Variants in KCNQ5 observed in about 807,000 individuals in gnomAD.
KCNQ5 encodes the protein potassium voltage-gated channel subfamily KQT member 5.
Under a neutral mutation model 98.2 loss-of-function variants are expected in KCNQ5, and 30 were observed. That is an observed-to-expected ratio of 0.31 (90% CI 0.23 to 0.41). KCNQ5 has a LOEUF of 0.41. KCNQ5 is among the 10% of genes least tolerant of loss of function. The pLI is 1.00. For missense variants in KCNQ5, 835 were observed against 1,182.5 expected (o/e 0.71, Z 4.31); for synonymous variants, 458 against 449.4 (o/e 1.02, Z -0.24).
chr6:73,113,200 T>G (rs1424801267), intron 7 of KCNQ5, among the ~76,000 whole-genome samples: 3 of 152,174 alleles, frequency 2.0e-5, no homozygotes. Flanking sequence ...TTCTAATAAG[T>G]TTTTCTCTTT....
At chr6:73,059,436 G>A (rs1440212541) in intron 3 of KCNQ5, among the ~76,000 whole-genome samples, 5 of 151,990 alleles carry the variant, frequency 3.3e-5, no homozygotes, top group Non-Finnish European at 7.4e-5. Flanking sequence ...AGGAGGGAGA[G>A]CATAAAAAAA....
chr6:72,763,418 G>A (rs956840554), intron 1 of KCNQ5, among the ~76,000 whole-genome samples: 6 of 151,902 alleles, frequency 3.9e-5, no homozygotes, highest in Admixed American at 6.6e-5. Flanking sequence ...CTCATCTCCT[G>A]TCATATTATT....
chr6:72,844,869 T>A (rs1462991706), intron 1 of KCNQ5, among the ~76,000 whole-genome samples: 1 of 152,176 alleles, frequency 6.6e-6, no homozygotes, highest in African/African-American at 2.4e-5. Flanking sequence ...ACACAACAAT[T>A]AAGGAAACAA....
At chr6:72,959,893 A>G (rs1302417666) in intron 1 of KCNQ5, among the ~76,000 whole-genome samples, 1 of 152,230 alleles carries the variant, frequency 6.6e-6, no homozygotes, top group Non-Finnish European at 1.5e-5. Context: ...TAATTTCTTA[A>G]CTAAGCTTTC....
intron 1 of KCNQ5, among the ~76,000 whole-genome samples, chr6:72,905,858 C>G (rs536270531): frequency 3.3e-4 from 50 of 152,268 alleles, no homozygotes; most frequent in African/African-American, 1.2e-3. Flanking sequence ...AATGCTCTAT[C>G]TTTATGCTGC....
intron 1 of KCNQ5, among the ~76,000 whole-genome samples, chr6:72,776,367 T>C (rs1773162837): frequency 6.6e-6 from 1 of 152,222 alleles, no homozygotes; most frequent in African/African-American, 2.4e-5. Flanking sequence ...ATTACTTCTG[T>C]TTACTCCAAC....
chr6:73,140,384 C>T (rs1776654121), intron 10 of KCNQ5, among the ~76,000 whole-genome samples: 1 of 152,200 alleles, frequency 6.6e-6, no homozygotes, highest in South Asian at 2.1e-4. Context: ...TAATGATGGC[C>T]CAACTTCAGC....
chr6:72,787,004 CAAAAAAA>C lies in KCNQ5; in HGVS notation c.398+164436_398+164442del, dbSNP rs1045803750. 1.1e-3 allele frequency among the ~76,000 whole-genome samples: 57 copies of C among 50,460 alleles called. No individual in the cohort carries two copies. In the East Asian group the frequency reaches 0.034, roughly 30 times the overall value. The allele number at this position is 50,460 out of a possible 152,430, so 33.1% of individuals were successfully genotyped here. On this transcript the variant is annotated intron_variant, in intron 1 of 13. Coordinates refer to ENST00000370398, the MANE Select transcript of KCNQ5 (RefSeq NM_019842.4). ...TGGGCGACACAGCAAGACTCTGTCTCAAAAAAAAAAAAAAAAAAAAAAAAAGAAATGA... is the reference window on the plus strand; with the variant it reads ...TGGGCGACACAGCAAGACTCTGTCTCAAAAAAAAAAAAAAAAAAGAAATGA...
chr6:72,855,062 G>T (rs57900970), intron 1 of KCNQ5, among the ~76,000 whole-genome samples: 1 of 151,748 alleles, frequency 6.6e-6, no homozygotes, highest in African/African-American at 2.4e-5. Flanking sequence ...TCACACATTA[G>T]AAAAGAAACA....
chr6:73,097,503 T>C (rs1385923269), intron 5 of KCNQ5, among the ~76,000 whole-genome samples: 1 of 152,054 alleles, frequency 6.6e-6, no homozygotes, highest in Non-Finnish European at 1.5e-5. Flanking sequence ...CAGTGAAAAA[T>C]TGAAATCCTT....
At chr6:73,046,335 A>T (rs1027672596) in intron 3 of KCNQ5, among the ~76,000 whole-genome samples, 2 of 152,078 alleles carry the variant, frequency 1.3e-5, no homozygotes, top group African/African-American at 4.8e-5. Context: ...TCTGCAACTT[A>T]TTACTTCTAA....
intron 1 of KCNQ5, among the ~76,000 whole-genome samples, chr6:72,883,625 T>C (rs1381515101): frequency 1.3e-5 from 2 of 152,042 alleles, no homozygotes; most frequent in East Asian, 3.8e-4. Flanking sequence ...CAGTGAGAGA[T>C]AACATCAGAA....
chr6:73,146,582 G>A (rs1265608347), intron 10 of KCNQ5, among the ~76,000 whole-genome samples: 6 of 127,840 alleles, frequency 4.7e-5, no homozygotes, highest in East Asian at 2.4e-4. Flanking sequence ...AGCCATGATC[G>A]CATCACTGCA....
At chr6:72,925,851 G>A (rs1169501659) in intron 1 of KCNQ5, among the ~76,000 whole-genome samples, 1 of 152,138 alleles carries the variant, frequency 6.6e-6, no homozygotes, top group Non-Finnish European at 1.5e-5. Context: ...GCTGCTGAAG[G>A]TGACAGTCAT....
chr6:73,058,414 A>C (rs1582274028), intron 3 of KCNQ5, among the ~76,000 whole-genome samples: 2 of 152,356 alleles, frequency 1.3e-5, no homozygotes, highest in South Asian at 2.1e-4. Flanking sequence ...CCGTCTCAAA[A>C]AAAAACAAAC....
chr6:73,149,647 A>C (rs966480083), intron 10 of KCNQ5, among the ~76,000 whole-genome samples: 3 of 152,146 alleles, frequency 2.0e-5, no homozygotes, highest in Non-Finnish European at 4.4e-5. Context: ...AATACAAAAA[A>C]TTAGCTGGGC....
intron 1 of KCNQ5, among the ~76,000 whole-genome samples, chr6:72,823,478 G>C (rs1246404550): frequency 6.6e-6 from 1 of 152,018 alleles, no homozygotes; most frequent in African/African-American, 2.4e-5. Flanking sequence ...TCACATTTCT[G>C]AAAAAAATTC....
intron 1 of KCNQ5, among the ~76,000 whole-genome samples, chr6:72,807,981 G>T (rs1775038745): frequency 6.6e-6 from 1 of 152,142 alleles, no homozygotes; most frequent in Non-Finnish European, 1.5e-5. Context: ...AAGAAAGTAG[G>T]TAGTGTTAAA....
chr6:73,055,466 G>A, intron 3 of KCNQ5: 1 of 1,551,734 alleles, frequency 6.4e-7, no homozygotes. Flanking sequence ...ACCTCCGATG[G>A]AGCCCTACCA....
Sources: gnomAD v4.1 joint callset for allele counts (sites outside exome capture counted in the v4.1 genomes callset) on GRCh38, gnomAD v4.1.1 for gene constraint, MANE v1.5 for transcripts, NCBI Gene and HGNC (gene_info 2026-07-23, HGNC 2026-07-21) for gene names.